QKI: variants seen among roughly 807,000 people sequenced by gnomAD.
The protein encoded by QKI is QKI, KH domain containing RNA binding.
A neutral mutation model predicts 39.0 loss-of-function variants in QKI; 10 were observed. The ratio of observed to expected loss-of-function variants is 0.26; its 90% CI spans 0.16 to 0.43. The LOEUF (loss-of-function observed/expected upper bound fraction) is 0.43. Among genes scored for constraint, QKI ranks in the 20% least tolerant of loss-of-function variants. The pLI, the probability that QKI is intolerant of heterozygous loss-of-function variation, is 1.00. For missense variants in QKI, 218 were observed against 428.0 expected (o/e 0.51, Z 4.33); for synonymous variants, 204 against 155.4 (o/e 1.31, Z -2.33).
chr6:163,431,258 G>T (rs1009089849), intron 1 of QKI, among the ~76,000 whole-genome samples: 2 of 152,060 alleles, frequency 1.3e-5, no homozygotes, highest in Admixed American at 1.3e-4. Context: ...AACTGTCCTT[G>T]TCTGGCTTTC....
intron 2 of QKI, among the ~76,000 whole-genome samples, chr6:163,460,241 G>A (rs985895649): frequency 6.6e-6 from 1 of 152,144 alleles, no homozygotes; most frequent in Non-Finnish European, 1.5e-5. Flanking sequence ...ATTTTCTGAT[G>A]TTTTTAAAAT....
chr6:163,451,049 A>G (rs1176254419), intron 1 of QKI, among the ~76,000 whole-genome samples: 4 of 152,220 alleles, frequency 2.6e-5, no homozygotes. Flanking sequence ...TAAAGAATAA[A>G]GAATATCAGC....
chr6:163,463,121 G>T (rs1308030208), intron 2 of QKI, among the ~76,000 whole-genome samples: 1 of 152,140 alleles, frequency 6.6e-6, no homozygotes, highest in Non-Finnish European at 1.5e-5. Flanking sequence ...ACTTGGATTT[G>T]AATAGAGTTT....
rs73784467 is a variant in QKI at position 163,547,947 on chromosome 6, T to G, written c.546+12822T>G. Among the ~76,000 whole-genome samples, 500 of 152,296 alleles carry G rather than the reference T, an allele frequency of 3.3e-3. 4 individuals are homozygous for G. The highest frequency in any genetic ancestry group is 0.011 in the African/African-American group (470 of 41,564). ...GGTAAAAATGTATGGCATTCATAGC[T>G]TATCTTCATCTAACATGTGCCTACT... On this transcript the variant is annotated intron_variant, in intron 4 of 7. Transcript: ENST00000361752.
At chr6:163,567,345 AAGAT>A in intron 7 of QKI, 1 of 985,508 alleles carries the variant, frequency 1.0e-6, no homozygotes, top group Non-Finnish European at 1.2e-6. Flanking sequence ...GAGGACTGTG[AAGAT>A]AACTTTCATG....
chr6:163,470,143 G>C (rs1352427390), intron 2 of QKI, among the ~76,000 whole-genome samples: 1 of 152,134 alleles, frequency 6.6e-6, no homozygotes, highest in Admixed American at 6.6e-5. Flanking sequence ...TGTTTTGGGG[G>C]ATCTCTTTTT....
chr6:163,540,997 T>C (rs566028320), intron 4 of QKI, among the ~76,000 whole-genome samples: 12 of 152,150 alleles, frequency 7.9e-5, no homozygotes, highest in Non-Finnish European at 7.4e-5. Flanking sequence ...TTTATTGATA[T>C]CTGCTTTTAC....
At chr6:163,550,121 A>T (rs73021501) in intron 4 of QKI, among the ~76,000 whole-genome samples, 5,984 of 152,300 alleles carry the variant, frequency 0.039, 126 homozygotes, top group Middle Eastern at 0.082. Flanking sequence ...TGGGTAATTA[A>T]TAAAGAAAAG....
At chr6:163,523,859 GAGC>G in intron 3 of QKI, among the ~76,000 whole-genome samples, 1 of 152,270 alleles carries the variant, frequency 6.6e-6, no homozygotes, top group East Asian at 1.9e-4. Context: ...TTGCTTTCTA[GAGC>G]TTACCATTAT....
chr6:163,428,491 CT>C (rs1384401783), intron 1 of QKI, among the ~76,000 whole-genome samples: 1 of 152,026 alleles, frequency 6.6e-6, no homozygotes. Context: ...AGAGAAAGTT[CT>C]TTTGGGGATC....
intron 4 of QKI, among the ~76,000 whole-genome samples, chr6:163,545,747 G>C (rs1224873313): frequency 6.6e-6 from 1 of 151,590 alleles, no homozygotes; most frequent in Non-Finnish European, 1.5e-5. Context: ...TTGACAAAAG[G>C]TTTAGACATC....
At chr6:163,503,332 A>G (rs914719787) in intron 3 of QKI, among the ~76,000 whole-genome samples, 13 of 152,148 alleles carry the variant, frequency 8.5e-5, no homozygotes, top group African/African-American at 1.2e-4. Flanking sequence ...ATTCTTCTGC[A>G]TGTGGCTAGC....
At chr6:163,506,938 G>A (rs757015786) in intron 3 of QKI, among the ~76,000 whole-genome samples, 14 of 152,096 alleles carry the variant, frequency 9.2e-5, no homozygotes, top group Non-Finnish European at 1.5e-4. Context: ...TAACATGTTT[G>A]TGTATAGTAA....
chr6:163,490,049 A>C (rs531527110), intron 3 of QKI, among the ~76,000 whole-genome samples: 1 of 152,176 alleles, frequency 6.6e-6, no homozygotes, highest in Non-Finnish European at 1.5e-5. Flanking sequence ...TAGAGGGTTA[A>C]TCTTACAAAT....
intron 7 of QKI, chr6:163,568,063 CCG>C (rs1783473682): frequency 9.1e-6 from 9 of 985,190 alleles, no homozygotes; most frequent in Non-Finnish European, 1.1e-5. Context: ...GACCCCAGCT[CCG>C]TGGTCGTCTA....
chr6:163,540,833 T>TCTCAA (rs1781458709), intron 4 of QKI, among the ~76,000 whole-genome samples: 2 of 152,112 alleles, frequency 1.3e-5, no homozygotes, highest in South Asian at 4.1e-4. Flanking sequence ...TCAAGTTATA[T>TCTCAA]GTAGGTTTTT....
At chr6:163,455,510 T>A (rs1790850326) in intron 2 of QKI, 89 bp downstream of exon 2, 17 of 1,295,450 alleles carry the variant, frequency 1.3e-5, no homozygotes, top group Non-Finnish European at 1.8e-5. Flanking sequence ...TTAAGCATTA[T>A]TAGCCACTTT....
At chr6:163,560,635 T>G (rs1782936212) in intron 4 of QKI, among the ~76,000 whole-genome samples, 1 of 152,182 alleles carries the variant, frequency 6.6e-6, no homozygotes, top group Non-Finnish European at 1.5e-5. Context: ...TACATACGTG[T>G]GTAAAGTAGT....
chr6:163,564,795 G>A, intron 6 of QKI: 1 of 1,599,570 alleles, frequency 6.3e-7, no homozygotes, highest in Non-Finnish European at 8.5e-7. Flanking sequence ...CAACCCCTTT[G>A]TTTTACCAGA....
Sources: gnomAD v4.1 joint callset for allele counts (sites outside exome capture counted in the v4.1 genomes callset) on GRCh38, gnomAD v4.1.1 for gene constraint, MANE v1.5 for transcripts, NCBI Gene and HGNC (gene_info 2026-07-23, HGNC 2026-07-21) for gene names.